Variants in GLB1L3 observed in about 807,000 individuals in gnomAD.
The protein encoded by GLB1L3 is galactosidase beta 1 like 3.
In GLB1L3, 89 loss-of-function variants were observed where a neutral mutation model predicts 89.5. The observed-to-expected ratio is 0.99, with a 90% confidence interval of 0.84 to 1.19. The LOEUF is 1.19. Ranked by LOEUF, GLB1L3 falls within the 50% of genes most tolerant of loss-of-function variation. The probability of loss-of-function intolerance (pLI) is 0.00; values close to 1 mark genes in which losing one functional copy is unlikely to be tolerated. For synonymous variants in GLB1L3, 314 were observed against 312.3 expected (o/e 1.01, Z -0.06); for missense variants, 812 against 813.3 (o/e 1.00, Z 0.02).
intron 1 of GLB1L3, 68 bp downstream of exon 1, chr11:134,276,831 C>T: frequency 7.8e-7 from 1 of 1,280,968 alleles, no homozygotes; most frequent in Admixed American, 4.0e-5. Flanking sequence ...CCTCCACCCT[C>T]CCCGGGTTCT....
intron 10 of GLB1L3, among the ~76,000 whole-genome samples, chr11:134,308,235 C>CCACCACCACCAT (rs1565412573): frequency 3.6e-5 from 1 of 27,772 alleles, no homozygotes; most frequent in Non-Finnish European, 7.0e-5. Flanking sequence ...ACCACCACCA[C>CCACCACCACCAT]CATCACCATC....
At position 134,312,554 on chromosome 11, in the gene GLB1L3, G is replaced by A. The variant is rs1565419242; in HGVS notation, c.1428+65G>A. 2.5e-6 allele frequency: 4 copies of A among 1,572,238 alleles called. No homozygotes were observed. The East Asian group carries it at 9.0e-5, about 35-fold the overall frequency. ...TCACCTCCCCATGCTGTCGGGCAGG[G>A]TAGTTGACTGAAGGATGCACGTTGC... On this transcript the variant is annotated intron_variant, in intron 14 of 19. Coordinates refer to ENST00000431683, the MANE Select transcript of GLB1L3 (RefSeq NM_001080407.3).
At chr11:134,301,125 G>A (rs1941928517) in intron 9 of GLB1L3, among the ~76,000 whole-genome samples, 1 of 152,166 alleles carries the variant, frequency 6.6e-6, no homozygotes, top group Admixed American at 6.5e-5. Context: ...TATATTAGAG[G>A]ATCTAGCCCC....
intron 10 of GLB1L3, among the ~76,000 whole-genome samples, chr11:134,307,949 TG>T (rs1942276045): frequency 6.6e-6 from 1 of 152,178 alleles, no homozygotes; most frequent in African/African-American, 2.4e-5. Context: ...CAAGGCCACT[TG>T]TATCTGAAGT....
At chr11:134,302,809 G>A (rs2136183521) in intron 9 of GLB1L3, among the ~76,000 whole-genome samples, 1 of 152,100 alleles carries the variant, frequency 6.6e-6, no homozygotes, top group Middle Eastern at 3.4e-3. Flanking sequence ...TGCGGTACTG[G>A]GTGCAGTATT....
chr11:134,312,360 G>A lies in GLB1L3; in HGVS notation c.1299G>A (p.Ser433=), dbSNP rs376258309. Residue 433 remains serine (S), a synonymous_variant, in exon 14 of 20, where the codon TCG becomes TCA. Coordinates refer to ENST00000431683, the MANE Select transcript of GLB1L3 (RefSeq NM_001080407.3). The part of the protein sequence containing the change: ...ALSYLNEPVR[S]RQPVNMENLP... ...ATTTCTCCTCATAGCCAGTCAGGTC[G>A]CGTCAGCCCGTCAACATGGAGAACC... The A allele has an allele frequency of 1.7e-5, 28 of 1,613,398 alleles. No individual in the cohort carries two copies. Among genetic ancestry groups the A allele is most frequent in the African/African-American group, 1.5e-4 (11 of 74,904 alleles).
intron 9 of GLB1L3, among the ~76,000 whole-genome samples, chr11:134,299,440 G>T (rs1941825630): frequency 6.6e-6 from 1 of 152,068 alleles, no homozygotes; most frequent in Admixed American, 6.5e-5. Flanking sequence ...CTTTCATTCT[G>T]CTAGGCCATG....
downstream of GLB1L3, among the ~76,000 whole-genome samples, chr11:134,319,761 C>CATGTGTGTGTGTGT (rs1424437267): frequency 6.8e-6 from 1 of 146,906 alleles, no homozygotes; most frequent in African/African-American, 2.5e-5. Context: ...CGCGCGCGTG[C>CATGTGTGTGTGTGT]ATGTGTGTGT....
At chr11:134,279,180 A>G (rs3132810) in intron 3 of GLB1L3, among the ~76,000 whole-genome samples, 31,341 of 152,036 alleles carry the variant, frequency 0.21, 3,799 homozygotes, top group Non-Finnish European at 0.28. Flanking sequence ...CTTTACCCTG[A>G]AAGTTTCTTA....
Position 134,314,097 on chromosome 11 carries a change from T to G in GLB1L3, c.1667+69T>G, listed in dbSNP as rs1726667120. On this transcript the variant is annotated intron_variant, in intron 17 of 19. Coordinates refer to ENST00000431683, the MANE Select transcript of GLB1L3 (RefSeq NM_001080407.3). ...AACTCAGAGATTTCAGATTCCTCAT[T>G]GCAGATAAAGAGTCCAAGATAGAGA... 11 of 1,091,004 alleles carry G rather than the reference T, an allele frequency of 1.0e-5. No homozygotes were observed. The South Asian group carries it at 1.2e-4, about 12-fold the overall frequency. The allele number at this position is 1,091,004 out of a possible 1,614,324, so 67.6% of individuals were successfully genotyped here.
In GLB1L3 at chr11:134,283,602, A is replaced by G; in HGVS notation, c.528-135A>G. The stretch of plus-strand genomic sequence containing the variant: ...AGTCTCACGCGGCACAGATCTTTCC[A>G]GGACCCGAGTGCTCCGGGACCGGGG... On this transcript the variant is annotated intron_variant, in intron 5 of 19. Transcript: ENST00000431683. 5.0e-6 allele frequency: 3 copies of G among 594,594 alleles called. No homozygotes were observed. In the South Asian group the frequency reaches 6.1e-5, roughly 12 times the overall value. 36.8% of individuals were successfully genotyped at this position (594,594 alleles called of 1,614,324 possible). A position where few individuals can be genotyped will look rare whatever the true frequency, so the allele number is the denominator to read the frequency against.
chr11:134,305,215 C>A, intron 9 of GLB1L3: 1 of 951,006 alleles, frequency 1.1e-6, no homozygotes, highest in Non-Finnish European at 1.7e-6. Context: ...TTTTGTCCTT[C>A]TAAGCTTCTG....
At chr11:134,300,902 C>G (rs1941911910) in intron 9 of GLB1L3, among the ~76,000 whole-genome samples, 2 of 152,170 alleles carry the variant, frequency 1.3e-5, no homozygotes, top group African/African-American at 4.8e-5. Context: ...GAGGGTTAGG[C>G]CTTCGTGTGA....
chr11:134,319,017 C>A lies in GLB1L3; in HGVS notation c.*75C>A, dbSNP rs1943104001. 20 of 1,026,058 alleles carry A rather than the reference C, an allele frequency of 1.9e-5. No individual in the cohort carries two copies. In the Admixed American group the frequency reaches 3.6e-4, roughly 18 times the overall value. The allele number at this position is 1,026,058 out of a possible 1,614,324, so 63.6% of individuals were successfully genotyped here. ...TCGCCCAGGCTGGAGTGCAGTGGCA[C>A]AATCTCTGCTCACTGCAAGCTCAGC... On this transcript the variant is annotated 3_prime_UTR_variant, in exon 20 of 20. Transcript: ENST00000431683.
intron 14 of GLB1L3, 23 bp downstream of exon 14, chr11:134,312,512 G>T (rs373757753): frequency 1.7e-5 from 28 of 1,607,056 alleles, no homozygotes; most frequent in Non-Finnish European, 2.4e-5. Context: ...GGCTGTCTGT[G>T]TGGGAAGCAA....
intron 9 of GLB1L3, among the ~76,000 whole-genome samples, chr11:134,296,764 C>T (rs988464608): frequency 6.7e-5 from 10 of 150,182 alleles, no homozygotes; most frequent in East Asian, 2.0e-4. Context: ...ATGGGTGCAG[C>T]GCACCAGCAT....
chr11:134,277,740 C>G lies in GLB1L3; in HGVS notation c.190C>G (p.Arg64Gly). Reference sequence around the variant, plus strand: ...TCTGACCCCTCTGGAGCTGAAGAATCGATCTGTGGGACTTGGAACTGAAAG... The same window carrying G: ...TCTGACCCCTCTGGAGCTGAAGAATGGATCTGTGGGACTTGGAACTGAAAG... ...SHLTPLELKN[R>G]SVGLGTESTG... The change falls in exon 3 of 20, where the codon CGA (arginine) becomes GGA (glycine). Residue 64 changes from arginine (R) to glycine (G), a missense_variant. By Grantham distance (125) the Arg-to-Gly change is moderately radical. Transcript: ENST00000431683. 1.2e-6 allele frequency: 2 copies of G among 1,613,024 alleles called. No individual in the cohort carries two copies. Among genetic ancestry groups the G allele is most frequent in the Admixed American group, 1.7e-5 (1 of 59,866 alleles).
At chr11:134,283,533 G>A (rs1245722220) in intron 5 of GLB1L3, among the ~76,000 whole-genome samples, 1 of 152,154 alleles carries the variant, frequency 6.6e-6, no homozygotes, top group Non-Finnish European at 1.5e-5. Context: ...GGTGGAGGCG[G>A]CCGTTTCCTT....
chr11:134,277,917 G>A lies in GLB1L3; in HGVS notation c.362+5G>A. 2 of 1,613,448 alleles carry A rather than the reference G, an allele frequency of 1.2e-6. No homozygotes were observed. The highest frequency in any genetic ancestry group is 1.7e-6 in the Non-Finnish European group (2 of 1,179,844). On this transcript the variant is annotated splice_donor_5th_base_variant and intron_variant, in intron 3 of 19. Transcript: ENST00000431683. ...TGGCTTCAATACTGTCACCACGTGAGTGCCGGCCCCTCACCTCCAGGATCT... is the reference window on the plus strand; with the variant it reads ...TGGCTTCAATACTGTCACCACGTGAATGCCGGCCCCTCACCTCCAGGATCT...
Sources: gnomAD v4.1 joint callset for allele counts (sites outside exome capture counted in the v4.1 genomes callset) on GRCh38, gnomAD v4.1.1 for gene constraint, MANE v1.5 for transcripts, NCBI Gene and HGNC (gene_info 2026-07-23, HGNC 2026-07-21) for gene names.